Variants in SAFB2 observed in about 807,000 individuals in gnomAD.
SAFB2 encodes scaffold attachment factor B2.
In SAFB2, 32 loss-of-function variants were observed where a neutral mutation model predicts 100.6. The ratio of observed to expected loss-of-function variants is 0.32; its 90% confidence interval spans 0.24 to 0.43. The LOEUF is 0.43. Among genes scored for constraint, SAFB2 ranks in the 20% least tolerant of loss-of-function variants. The pLI is 1.00. For synonymous variants in SAFB2, 500 were observed against 439.4 expected, an observed-to-expected ratio of 1.14 and a Z score of -1.72; for missense variants, 1,185 against 1,163.4, an observed-to-expected ratio of 1.02 and a Z score of -0.27.
At chr19:5,591,511 C>T (rs1287366624) in intron 17 of SAFB2, 1 of 455,608 alleles carries the variant, frequency 2.2e-6, no homozygotes, top group Non-Finnish European at 4.0e-6. Context: ...AACTCCTGAC[C>T]TTGTGATCCA....
intron 17 of SAFB2, among the ~76,000 whole-genome samples, chr19:5,590,954 G>A (rs952678120): frequency 2.0e-5 from 3 of 152,156 alleles, no homozygotes; most frequent in African/African-American, 4.8e-5. Context: ...CTGCCACCAC[G>A]CACGGGGCAC....
chr19:5,605,674 G>A (rs527787529), intron 9 of SAFB2, among the ~76,000 whole-genome samples: 1 of 152,286 alleles, frequency 6.6e-6, no homozygotes, highest in East Asian at 1.9e-4. Context: ...TTCCACTTCT[G>A]GCTGAGATGG....
intron 2 of SAFB2, among the ~76,000 whole-genome samples, chr19:5,619,034 T>C (rs1309031265): frequency 6.6e-6 from 1 of 152,230 alleles, no homozygotes; most frequent in Non-Finnish European, 1.5e-5. Context: ...AAGGAAGCAG[T>C]TACTGGTGAG....
Position 5,587,386 on chromosome 19 carries a change from C to A in SAFB2, c.2719G>T (p.Ala907Ser). The A allele has an allele frequency of 6.2e-7, 1 of 1,612,120 alleles. No homozygotes were observed. The highest frequency in any genetic ancestry group is 8.5e-7 in the Non-Finnish European group (1 of 1,179,248). The change falls in exon 21 of 21, where the codon GCA becomes TCA. Residue 907 changes from alanine (A) to serine (S), a missense_variant. Physicochemically the swap from Ala to Ser is moderately conservative, Grantham distance 99. This residue lies in a region of SAFB2 where 740 missense variants were observed against 687.1 expected (regional missense o/e 1.08). Coordinates refer to ENST00000252542, the MANE Select transcript of SAFB2 (RefSeq NM_014649.3). This position sits in a 1 kb window ranked among gnomAD's most constrained non-coding sequence, Gnocchi z 4.9. ...TGGCCCTGGGAATGTCCACCTTGTG[C>A]AAAGCCGCCTCGCCTAGGAACAAAG... ...RGGVAGRGGF[A>S]QGGHSQGHVV...
At chr19:5,605,779 A>G (rs2052762040) in intron 9 of SAFB2, among the ~76,000 whole-genome samples, 1 of 152,350 alleles carries the variant, frequency 6.6e-6, no homozygotes, top group African/African-American at 2.4e-5. Flanking sequence ...CAGGCTGCCC[A>G]AGACAACAAT....
At chr19:5,613,369 C>T (rs1272515483) in intron 5 of SAFB2, 96 bp downstream of exon 5, 9 of 1,066,068 alleles carry the variant, frequency 8.4e-6, no homozygotes, top group Admixed American at 2.0e-5. Flanking sequence ...GCACAGTATC[C>T]AGTCATTTCC....
rs748685694 is a variant in SAFB2 at position 5,621,429 on chromosome 19, T to C, written c.187-33A>G. The C allele has an allele frequency of 3.4e-5, 45 of 1,321,702 alleles. No homozygotes were observed. The East Asian group carries it at 8.3e-4, about 24-fold the overall frequency. The allele number at this position is 1,321,702 out of a possible 1,614,324, so 81.9% of individuals were successfully genotyped here. On this transcript the variant is annotated intron_variant, in intron 1 of 20. Coordinates refer to ENST00000252542, the MANE Select transcript of SAFB2 (RefSeq NM_014649.3). ...GGAGAGATGAGTTTTACAACATCAT[T>C]AAGAGCTGCAGGGCACACACTGTTC...
At chr19:5,599,362 A>C (rs373622224) in intron 12 of SAFB2, among the ~76,000 whole-genome samples, 7 of 152,244 alleles carry the variant, frequency 4.6e-5, no homozygotes, top group Middle Eastern at 3.4e-3. Flanking sequence ...CAAACCAATT[A>C]TCTCTCCTGA....
intron 15 of SAFB2, chr19:5,593,683 G>A (rs912784259): frequency 8.2e-6 from 4 of 486,290 alleles, no homozygotes; most frequent in East Asian, 3.5e-5. Context: ...AGTTCAGGAA[G>A]ATGCTACACA....
In SAFB2 at chr19:5,622,412, G is replaced by C. The variant is rs922949585; in HGVS notation, c.186+118C>G. On this transcript the variant is annotated intron_variant, in intron 1 of 20. Coordinates refer to ENST00000252542, the MANE Select transcript of SAFB2 (RefSeq NM_014649.3). ...CTGGGTGCCCGACACCTCGAACCGG[G>C]GTCGGCCAAGACGCGGGGCGAACCC... The C allele has an allele frequency of 1.2e-5, 13 of 1,062,650 alleles. No homozygotes were observed. The South Asian group carries it at 2.1e-4, about 17-fold the overall frequency. The allele number at this position is 1,062,650 out of a possible 1,614,324, so 65.8% of individuals were successfully genotyped here.
intron 9 of SAFB2, among the ~76,000 whole-genome samples, chr19:5,605,181 C>T (rs1186477207): frequency 4.7e-5 from 7 of 147,514 alleles, no homozygotes; most frequent in Non-Finnish European, 8.9e-5. Context: ...CTCGGCTCAC[C>T]GCGACCTCCG....
Position 5,587,155 on chromosome 19 carries a change from T to TTTTA in SAFB2, c.*87_*88insTAAA, listed in dbSNP as rs2052268365. 7 of 1,554,742 alleles carry TTTTA rather than the reference T, an allele frequency of 4.5e-6. No homozygotes were observed. The highest frequency in any genetic ancestry group is 6.1e-6 in the Non-Finnish European group (7 of 1,144,150). The stretch of plus-strand genomic sequence containing the variant: ...ACATGGTGGCAGGATTTACTTTGCT[T>TTTTA]TTAAAAAGATCCCCCAAGTTCGAGG... On this transcript the variant is annotated 3_prime_UTR_variant, in exon 21 of 21. Transcript: ENST00000252542. The surrounding 1 kb of genome is among the most constrained non-coding windows in gnomAD (Gnocchi z 4.9).
intron 11 of SAFB2, among the ~76,000 whole-genome samples, chr19:5,601,526 T>C (rs1030304802): frequency 7.9e-5 from 12 of 151,980 alleles, no homozygotes; most frequent in Admixed American, 6.6e-5. Flanking sequence ...CTGGCCAACA[T>C]TGTGAAACTC....
chr19:5,604,493 G>A, intron 11 of SAFB2, 90 bp downstream of exon 11: 1 of 891,164 alleles, frequency 1.1e-6, no homozygotes, highest in Non-Finnish European at 1.8e-6. Flanking sequence ...GGGTACAGGT[G>A]GGGACAGATG....
At position 5,616,454 on chromosome 19, in the gene SAFB2, T is replaced by C. The variant is rs776030225; in HGVS notation, c.307A>G (p.Asn103Asp). The change falls in exon 3 of 21, where the codon AAT becomes GAT. Residue 103 changes from asparagine to aspartate, a missense_variant. Physicochemically the swap from Asn to Asp is conservative, Grantham distance 23. Around this residue, in one of 3 missense-constraint regions of SAFB2, gnomAD observed 351 missense variants for 341.2 expected, o/e 1.03. Transcript: ENST00000252542. ...TCTCTGGAATCGTCTTCCAGGCCAT[T>C]ATCTTCTGTGCCTTCCTCCTCCATC... The part of the protein sequence containing the change: ...LKMEEEGTED[N>D]GLEDDSRDGQ... 7 of 1,614,072 alleles carry C rather than the reference T, an allele frequency of 4.3e-6. No individual in the cohort carries two copies. In the Admixed American group the frequency reaches 1.2e-4, roughly 27 times the overall value.
intron 9 of SAFB2, among the ~76,000 whole-genome samples, 175 bp from the exon 10 acceptor site, chr19:5,605,111 CT>C (rs1187608417): frequency 2.1e-3 from 301 of 144,062 alleles, no homozygotes; most frequent in Middle Eastern, 0.014. Flanking sequence ...AATACAATTG[CT>C]TTTTTTTTTT....
intron 1 of SAFB2, among the ~76,000 whole-genome samples, chr19:5,621,847 C>T (rs768483592): frequency 1.3e-5 from 2 of 152,206 alleles, no homozygotes; most frequent in Admixed American, 6.5e-5. Context: ...GGACTGGGTA[C>T]CCACAAGCTC....
intron 4 of SAFB2, among the ~76,000 whole-genome samples, chr19:5,614,109 A>C (rs183177168): frequency 2.0e-5 from 3 of 152,044 alleles, no homozygotes; most frequent in African/African-American, 7.2e-5. Context: ...ATGCACCACC[A>C]CGCCCGGCTA....
chr19:5,606,989 T>C (rs1359822684), intron 9 of SAFB2, among the ~76,000 whole-genome samples: 1 of 152,128 alleles, frequency 6.6e-6, no homozygotes, highest in Non-Finnish European at 1.5e-5. Flanking sequence ...TGGCTGGGCG[T>C]GGTGGCTCAC....
Sources: gnomAD v4.1 joint callset for allele counts (sites outside exome capture counted in the v4.1 genomes callset) on GRCh38, gnomAD v4.1.1 for gene constraint, gnomAD v4.1.1 regional missense constraint, Gnocchi (gnomAD v3.1) non-coding constraint, MANE v1.5 for transcripts, NCBI Gene and HGNC (gene_info 2026-07-23, HGNC 2026-07-21) for gene names.